Variants in WWOX observed in about 807,000 individuals in gnomAD.
WWOX encodes the protein WW domain containing oxidoreductase, also known as WW domain-containing oxidoreductase.
Under a neutral mutation model 46.2 loss-of-function variants are expected in WWOX, and 69 were observed. The observed-to-expected ratio is 1.49, with a 90% CI of 1.23 to 1.82. The LOEUF (loss-of-function observed/expected upper bound fraction) is 1.82, where lower values mean the gene tolerates loss of function less well. Ranked by LOEUF, WWOX falls within the 40% of genes most tolerant of loss-of-function variation. WWOX has a pLI of 0.00. For missense variants in WWOX, 919 were observed against 542.6 expected (o/e 1.69, Z -6.89); for synonymous variants, 359 against 202.6 (o/e 1.77, Z -6.56).
At chr16:78,878,734 C>T (rs1041236043) in intron 8 of WWOX, among the ~76,000 whole-genome samples, 6 of 151,890 alleles carry the variant, frequency 4.0e-5, no homozygotes, top group Admixed American at 2.0e-4. Context: ...GGCTTCTATC[C>T]TGACAATGTT....
chr16:79,141,225 C>T (rs2050082925), intron 8 of WWOX, among the ~76,000 whole-genome samples: 1 of 152,094 alleles, frequency 6.6e-6, no homozygotes, highest in Non-Finnish European at 1.5e-5. Context: ...ACCTGGAAGC[C>T]CCCTCCTCAT....
At chr16:78,635,567 C>G (rs1000427634) in intron 8 of WWOX, among the ~76,000 whole-genome samples, 1 of 152,130 alleles carries the variant, frequency 6.6e-6, no homozygotes, top group East Asian at 1.9e-4. Context: ...CTCTGCGCCT[C>G]AGTTTCTTCA....
chr16:78,594,383 C>T (rs2045427145), intron 8 of WWOX, among the ~76,000 whole-genome samples: 2 of 143,586 alleles, frequency 1.4e-5, no homozygotes, highest in African/African-American at 5.1e-5. Context: ...CAAAACCTGA[C>T]CTCTCTTTGT....
At chr16:78,454,381 T>C (rs908558029) in intron 8 of WWOX, among the ~76,000 whole-genome samples, 63 of 145,364 alleles carry the variant, frequency 4.3e-4, no homozygotes, top group African/African-American at 1.5e-3. Flanking sequence ...TGTGTGTGTG[T>C]ATTATATGCA....
intron 8 of WWOX, among the ~76,000 whole-genome samples, chr16:78,996,575 G>T (rs570505026): frequency 2.6e-5 from 4 of 152,160 alleles, no homozygotes; most frequent in African/African-American, 9.6e-5. Flanking sequence ...GAAAATTACA[G>T]TGAGAGATGG....
rs181907663 is a variant in WWOX at position 78,568,562 on chromosome 16, G to A, written c.1056+135810G>A. On this transcript the variant is annotated intron_variant, in intron 8 of 8. Transcript: ENST00000566780. The stretch of plus-strand genomic sequence containing the variant: ...CCGATCCTGGGTCACTGCAACCTCT[G>A]CCTCCTGGATTCAAGCGAGTTTCCT... Among the ~76,000 whole-genome samples the A allele has an allele frequency of 8.9e-3, 1,279 of 143,982 alleles. 4 individuals carry two copies. Among genetic ancestry groups the A allele is most frequent in the Non-Finnish European group, 0.014 (952 of 67,220 alleles). The allele number at this position is 143,982 out of a possible 152,430, so 94.5% of individuals were successfully genotyped here.
intron 4 of WWOX, among the ~76,000 whole-genome samples, chr16:78,159,042 G>A (rs1348614898): frequency 6.6e-6 from 1 of 152,038 alleles, no homozygotes; most frequent in African/African-American, 2.4e-5. Flanking sequence ...GTCCTTCTGT[G>A]TCTGGCTTAT....
chr16:78,731,322 C>G (rs1352730684), intron 8 of WWOX, among the ~76,000 whole-genome samples: 6 of 152,126 alleles, frequency 3.9e-5, no homozygotes, highest in South Asian at 2.1e-4. Flanking sequence ...AATTCCTCTG[C>G]TTTTTCAGGT....
At chr16:78,815,840 A>T (rs2051315185) in intron 8 of WWOX, among the ~76,000 whole-genome samples, 1 of 152,182 alleles carries the variant, frequency 6.6e-6, no homozygotes, top group Non-Finnish European at 1.5e-5. Flanking sequence ...GTCCATGCTG[A>T]CATCTGGCTC....
At chr16:78,959,269 CTTAA>C (rs766293835) in intron 8 of WWOX, among the ~76,000 whole-genome samples, 4 of 152,162 alleles carry the variant, frequency 2.6e-5, no homozygotes, top group Non-Finnish European at 1.5e-5. Context: ...GGGCATTGAA[CTTAA>C]TTCATTTATT....
At chr16:78,244,359 C>T (rs2037751629) in intron 5 of WWOX, among the ~76,000 whole-genome samples, 1 of 134,560 alleles carries the variant, frequency 7.4e-6, no homozygotes, top group Admixed American at 7.4e-5. Context: ...TGTATTGCCT[C>T]ATTTAAACCT....
At chr16:78,797,852 G>A (rs2050784821) in intron 8 of WWOX, among the ~76,000 whole-genome samples, 3 of 152,202 alleles carry the variant, frequency 2.0e-5, no homozygotes, top group Admixed American at 2.0e-4. Context: ...GCTGCGCGTG[G>A]TGGCGCGTGC....
intron 8 of WWOX, among the ~76,000 whole-genome samples, chr16:78,638,301 C>T (rs1311696904): frequency 2.0e-5 from 3 of 152,212 alleles, no homozygotes; most frequent in African/African-American, 7.2e-5. Context: ...GAACCCAAGA[C>T]ATAGGCCCAG....
At chr16:79,147,420 C>A (rs937911943) in intron 8 of WWOX, among the ~76,000 whole-genome samples, 1 of 152,144 alleles carries the variant, frequency 6.6e-6, no homozygotes, top group Non-Finnish European at 1.5e-5. Flanking sequence ...AGTTGTTGCA[C>A]GTGTCGGTAG....
At chr16:78,466,821 G>A (rs1450186543) in intron 8 of WWOX, among the ~76,000 whole-genome samples, 4 of 152,018 alleles carry the variant, frequency 2.6e-5, no homozygotes, top group African/African-American at 4.8e-5. Flanking sequence ...GCACTCCAGC[G>A]TGGGCAACAG....
intron 5 of WWOX, among the ~76,000 whole-genome samples, chr16:78,362,534 G>A (rs369217570): frequency 7.7e-4 from 117 of 152,068 alleles, no homozygotes; most frequent in African/African-American, 2.8e-3. Context: ...GCCTGAACTC[G>A]GGAGGTGGAG....
intron 8 of WWOX, among the ~76,000 whole-genome samples, chr16:78,531,641 G>A (rs141018963): frequency 1.2e-4 from 18 of 152,078 alleles, no homozygotes; most frequent in African/African-American, 4.1e-4. Flanking sequence ...TCAGGAGTTC[G>A]AGACTAGCCT....
intron 8 of WWOX, among the ~76,000 whole-genome samples, chr16:79,150,687 C>G (rs1396341445): frequency 6.6e-6 from 1 of 152,098 alleles, no homozygotes; most frequent in East Asian, 1.9e-4. Flanking sequence ...GGTGTCACGT[C>G]GTTGCCCAGG....
At position 78,687,301 on chromosome 16, in the gene WWOX, C is replaced by G. The variant is rs113242897; in HGVS notation, c.1056+254549C>G. ...CCATGTCGTAATTCTAATTTAAAATCAAAATCTCATCAAATTACATTTTAG... is the reference window on the plus strand; with the variant it reads ...CCATGTCGTAATTCTAATTTAAAATGAAAATCTCATCAAATTACATTTTAG... On this transcript the variant is annotated intron_variant, in intron 8 of 8. Transcript: ENST00000566780. 5.7e-3 allele frequency among the ~76,000 whole-genome samples: 869 copies of G among 152,252 alleles called. 14 individuals carry two copies. Among genetic ancestry groups the G allele is most frequent in the African/African-American group, 0.019 (805 of 41,554 alleles).
Sources: gnomAD v4.1 joint callset for allele counts (sites outside exome capture counted in the v4.1 genomes callset) on GRCh38, gnomAD v4.1.1 for gene constraint, MANE v1.5 for transcripts, NCBI Gene and HGNC (gene_info 2026-07-23, HGNC 2026-07-21) for gene names.